The following TUT4 variants were observed in gnomAD, a reference collection of about 807,000 sequenced individuals.
TUT4 encodes the protein terminal uridylyltransferase 4.
Under a neutral mutation model 192.2 loss-of-function variants are expected in TUT4, and 36 were observed. That is an observed-to-expected ratio of 0.19 (90% confidence interval 0.14 to 0.25). TUT4 has a LOEUF of 0.25. Among genes scored for constraint, TUT4 ranks in the 10% least tolerant of loss-of-function variants. TUT4 has a pLI of 1.00. For missense variants in TUT4, 1,493 were observed against 1,957.2 expected, an observed-to-expected ratio of 0.76 and a Z score of 4.47; for synonymous variants, 618 against 666.0, an observed-to-expected ratio of 0.93 and a Z score of 1.11.
At position 52,548,847 on chromosome 1, in the gene TUT4, G is replaced by A. The variant is rs116017717; in HGVS notation, c.-94+4084C>T. ...TGAACATCAAACTTGCATGAATAGC[G>A]TCTCCCTTCTTCCAGCCCATGCTCT... On this transcript the variant is annotated intron_variant, in intron 1 of 29. Coordinates refer to ENST00000257177, the MANE Select transcript of TUT4 (RefSeq NM_001009881.3). Among the ~76,000 whole-genome samples the A allele has an allele frequency of 9.0e-3, 1,364 of 152,222 alleles. 23 individuals are homozygous for A. The highest frequency in any genetic ancestry group is 0.031 in the African/African-American group (1,292 of 41,522).
chr1:52,532,423 C>T (rs1235658837), intron 1 of TUT4, among the ~76,000 whole-genome samples: 5 of 151,722 alleles, frequency 3.3e-5, no homozygotes, highest in African/African-American at 1.2e-4. Context: ...GACCCCTGGG[C>T]TCAAGCGAGC....
At chr1:52,463,834 G>C in intron 16 of TUT4, 1 of 1,287,728 alleles carries the variant, frequency 7.8e-7, no homozygotes, top group Non-Finnish European at 1.0e-6. Context: ...AATTGCACTT[G>C]GGGAAGGTCT....
rs1681651251 is a variant in TUT4 at position 52,525,982 on chromosome 1, T to A, written c.299A>T (p.Lys100Ile). The A allele has an allele frequency of 2.5e-6, 4 of 1,614,186 alleles. No individual in the cohort carries two copies. The highest frequency in any genetic ancestry group is 2.5e-6 in the Non-Finnish European group (3 of 1,180,034). ...LRDQSHCKAK[K>I]FPNSPVKAEK... is the part of the protein sequence containing the mutation. ...GGCTTTCACCGGTGAATTAGGAAATTTTTTTGCTTTGCAATGACTTTGATC... is the reference window on the plus strand; with the variant it reads ...GGCTTTCACCGGTGAATTAGGAAATATTTTTGCTTTGCAATGACTTTGATC... The change falls in exon 2 of 30, where the codon AAA becomes ATA. Residue 100 changes from lysine (K) to isoleucine (I), a missense_variant. Transcript: ENST00000257177.
chr1:52,468,978 A>C (rs1664945032), intron 14 of TUT4, among the ~76,000 whole-genome samples: 1 of 152,256 alleles, frequency 6.6e-6, no homozygotes, highest in African/African-American at 2.4e-5. Context: ...ATAATGAATT[A>C]AACTAATATT....
At chr1:52,550,849 A>G (rs1689255054) in intron 1 of TUT4, among the ~76,000 whole-genome samples, 1 of 152,234 alleles carries the variant, frequency 6.6e-6, no homozygotes, top group African/African-American at 2.4e-5. Flanking sequence ...AAACTTTAAC[A>G]GTGAATAAAT....
chr1:52,453,077 T>A (rs1158082356), intron 20 of TUT4, among the ~76,000 whole-genome samples: 1 of 151,982 alleles, frequency 6.6e-6, no homozygotes, highest in Non-Finnish European at 1.5e-5. Context: ...TGTTGTTGAG[T>A]AAGAGAATAG....
chr1:52,434,997 A>G (rs1199023014), intron 27 of TUT4: 1 of 157,846 alleles, frequency 6.3e-6, no homozygotes, highest in African/African-American at 2.4e-5. Context: ...TGCCCTAACA[A>G]CACTAAATGC....
intron 2 of TUT4, among the ~76,000 whole-genome samples, chr1:52,524,462 C>G (rs772715819): frequency 6.6e-6 from 1 of 150,970 alleles, no homozygotes; most frequent in Non-Finnish European, 1.5e-5. Flanking sequence ...AGGGGGAGCT[C>G]GCAGTGAGCC....
intron 19 of TUT4, among the ~76,000 whole-genome samples, chr1:52,459,341 C>T (rs1004328025): frequency 6.6e-6 from 1 of 151,608 alleles, no homozygotes; most frequent in Non-Finnish European, 1.5e-5. Flanking sequence ...GTCATCTCAG[C>T]ACTTCGAAAG....
intron 28 of TUT4, among the ~76,000 whole-genome samples, chr1:52,430,075 TTA>T (rs1234100996): frequency 6.6e-6 from 1 of 152,146 alleles, no homozygotes; most frequent in African/African-American, 2.4e-5. Flanking sequence ...TCCTTAGTAT[TTA>T]TGTCTAGGAA....
chr1:52,481,770 T>C (rs371656385), intron 10 of TUT4, 34 bp downstream of exon 10: 204 of 1,558,060 alleles, frequency 1.3e-4, no homozygotes, highest in Non-Finnish European at 1.6e-4. Flanking sequence ...ACTATATATA[T>C]ATATGCATAT....
intron 28 of TUT4, among the ~76,000 whole-genome samples, chr1:52,429,689 T>C (rs1194269255): frequency 1.3e-5 from 2 of 151,670 alleles, no homozygotes; most frequent in African/African-American, 4.8e-5. Context: ...TTTCCCTGGG[T>C]TCAAGCGATT....
intron 13 of TUT4, among the ~76,000 whole-genome samples, chr1:52,472,754 C>T (rs1353068072): frequency 6.6e-6 from 1 of 151,932 alleles, no homozygotes; most frequent in African/African-American, 2.4e-5. Context: ...TCAATGGACA[C>T]CAAACAAGTG....
At chr1:52,513,830 G>C (rs1164536951) in intron 3 of TUT4, among the ~76,000 whole-genome samples, 1 of 152,018 alleles carries the variant, frequency 6.6e-6, no homozygotes, top group Non-Finnish European at 1.5e-5. Context: ...TAAAACGTCA[G>C]GTACTAGATC....
Position 52,436,848 on chromosome 1 carries a change from C to A in TUT4, c.4069G>T (p.Asp1357Tyr). The change falls in exon 26 of 30, where the codon GAC becomes TAC. Residue 1357 changes from aspartate (D) to tyrosine (Y), a missense_variant. By Grantham distance (160) the Asp-to-Tyr change is radical. Transcript: ENST00000257177. Reference sequence around the variant, plus strand: ...TCTCCACATATAAAACATCTGAGGTCTCTCGGGTCTCTAAAGTCTCGAGTA... The same window carrying A: ...TCTCCACATATAAAACATCTGAGGTATCTCGGGTCTCTAAAGTCTCGAGTA... ...HDTRDFRDPR[D>Y]LRCFICGDAG... is the part of the protein sequence containing the mutation. 6.2e-7 allele frequency: 1 copy of A among 1,613,910 alleles called. No individual in the cohort carries two copies. Among genetic ancestry groups the A allele is most frequent in the African/African-American group, 1.3e-5 (1 of 74,940 alleles).
chr1:52,448,233 T>TA (rs1366208821), intron 20 of TUT4, among the ~76,000 whole-genome samples: 2 of 152,242 alleles, frequency 1.3e-5, no homozygotes, highest in African/African-American at 4.8e-5. Context: ...ACATATTACT[T>TA]AAACAGATAC....
At chr1:52,481,358 T>A in intron 11 of TUT4, 65 bp downstream of exon 11, 1 of 1,529,106 alleles carries the variant, frequency 6.5e-7, no homozygotes. Context: ...TAAAATAGCT[T>A]CAATCGAAGA....
intron 24 of TUT4, among the ~76,000 whole-genome samples, chr1:52,442,298 T>C (rs183805279): frequency 1.6e-3 from 246 of 151,700 alleles, no homozygotes; most frequent in Non-Finnish European, 2.9e-3. Context: ...AACATAATGA[T>C]GTAGAAAAAT....
chr1:52,435,241 A>G, intron 27 of TUT4, 124 bp downstream of exon 27: 1 of 658,662 alleles, frequency 1.5e-6, no homozygotes, highest in South Asian at 2.3e-5. Context: ...TAGCAAGGAC[A>G]TATATACAAA....
Sources: gnomAD v4.1 joint callset for allele counts (sites outside exome capture counted in the v4.1 genomes callset) on GRCh38, gnomAD v4.1.1 for gene constraint, MANE v1.5 for transcripts, NCBI Gene and HGNC (gene_info 2026-07-23, HGNC 2026-07-21) for gene names.